CACNB2: variants seen among roughly 807,000 people sequenced by gnomAD.
CACNB2 encodes voltage-dependent L-type calcium channel subunit beta-2.
Under a neutral mutation model 73.3 loss-of-function variants are expected in CACNB2, and 42 were observed. The observed-to-expected ratio is 0.57, with a 90% CI of 0.45 to 0.74. CACNB2 has a LOEUF of 0.74. CACNB2 is among the 30% of genes least tolerant of loss of function. The pLI is 0.00. For synonymous variants in CACNB2, 348 were observed against 310.3 expected (o/e 1.12, Z -1.28); for missense variants, 940 against 853.0 (o/e 1.10, Z -1.27).
At chr10:18,368,299 G>A (rs550556277) in intron 2 of CACNB2, among the ~76,000 whole-genome samples, 30 of 152,064 alleles carry the variant, frequency 2.0e-4, no homozygotes, top group African/African-American at 7.0e-4. Context: ...TTTCGCCCTC[G>A]GGTCACTGGC....
At chr10:18,297,914 C>T (rs553622123) in intron 2 of CACNB2, among the ~76,000 whole-genome samples, 2 of 152,148 alleles carry the variant, frequency 1.3e-5, no homozygotes, top group South Asian at 2.1e-4. Context: ...CTGAGTCTGA[C>T]GATCATGGAG....
At chr10:18,386,007 G>A (rs2043215116) in intron 2 of CACNB2, among the ~76,000 whole-genome samples, 1 of 152,018 alleles carries the variant, frequency 6.6e-6, no homozygotes, top group African/African-American at 2.4e-5. Flanking sequence ...TTAGAATTAT[G>A]GATCAAAGGT....
intron 2 of CACNB2, among the ~76,000 whole-genome samples, chr10:18,218,428 A>G (rs777143240): frequency 2.0e-5 from 3 of 152,226 alleles, no homozygotes; most frequent in African/African-American, 4.8e-5. Context: ...GAGACATTAA[A>G]TGTTCTTGGT....
intron 2 of CACNB2, among the ~76,000 whole-genome samples, chr10:18,307,009 A>G (rs1158412830): frequency 1.3e-5 from 2 of 152,120 alleles, no homozygotes; most frequent in African/African-American, 4.8e-5. Flanking sequence ...TAGGAAGTGA[A>G]AGTTCCTCTA....
chr10:18,513,418 G>C, intron 6 of CACNB2: 2 of 193,782 alleles, frequency 1.0e-5, no homozygotes, highest in South Asian at 1.0e-4. Flanking sequence ...AATCAGCTTT[G>C]ATTATTGTTC....
chr10:18,285,546 C>A (rs193173977), intron 2 of CACNB2, among the ~76,000 whole-genome samples: 11 of 152,216 alleles, frequency 7.2e-5, no homozygotes, highest in African/African-American at 2.4e-4. Context: ...AGCTATCTGA[C>A]TGTTACCATG....
At chr10:18,338,286 C>T (rs2041083869) in intron 2 of CACNB2, among the ~76,000 whole-genome samples, 1 of 152,168 alleles carries the variant, frequency 6.6e-6, no homozygotes, top group South Asian at 2.1e-4. Flanking sequence ...AGACATAAAA[C>T]TCTGGCCAAC....
chr10:18,345,034 C>T (rs749587053), intron 2 of CACNB2, among the ~76,000 whole-genome samples: 11 of 152,314 alleles, frequency 7.2e-5, no homozygotes, highest in African/African-American at 1.9e-4. Context: ...AACATCGTGA[C>T]GATCTGCCAT....
chr10:18,383,957 C>T (rs1452012475), intron 2 of CACNB2, among the ~76,000 whole-genome samples: 3 of 152,164 alleles, frequency 2.0e-5, no homozygotes, highest in Non-Finnish European at 4.4e-5. Context: ...CTGCCCACCT[C>T]GGCCTCCCAA....
At chr10:18,359,182 G>T (rs545851838) in intron 2 of CACNB2, among the ~76,000 whole-genome samples, 4 of 151,926 alleles carry the variant, frequency 2.6e-5, no homozygotes, top group Admixed American at 2.6e-4. Flanking sequence ...AAAATATCCC[G>T]TGTCCATTGA....
chr10:18,299,656 AG>A (rs1348792315), intron 2 of CACNB2, among the ~76,000 whole-genome samples: 1 of 152,172 alleles, frequency 6.6e-6, no homozygotes, highest in Non-Finnish European at 1.5e-5. Flanking sequence ...GGCTGCAGTA[AG>A]CAGTGATCGC....
At chr10:18,322,928 T>C (rs1270270180) in intron 2 of CACNB2, among the ~76,000 whole-genome samples, 1 of 151,038 alleles carries the variant, frequency 6.6e-6, no homozygotes, top group Non-Finnish European at 1.5e-5. Context: ...AGAAAAATGA[T>C]AGCCACTACC....
rs138915826 is a variant in CACNB2 at position 18,305,386 on chromosome 10, G to C, written c.214-96538G>C. Among the ~76,000 whole-genome samples the C allele has an allele frequency of 3.7e-3, 570 of 152,288 alleles. 5 individuals carry two copies. The highest frequency in any genetic ancestry group is 0.013 in the African/African-American group (541 of 41,576). ...AAATAAGATTGGAGAATAATATAAG[G>C]TAAAACATGTAACTGGGGCTGTTGA... On this transcript the variant is annotated intron_variant, in intron 2 of 13. Transcript: ENST00000324631.
At chr10:18,264,179 G>GT (rs1347872559) in intron 2 of CACNB2, among the ~76,000 whole-genome samples, 12 of 152,118 alleles carry the variant, frequency 7.9e-5, no homozygotes, top group Admixed American at 7.9e-4. Flanking sequence ...TTGAAAAAAT[G>GT]TTTTAATTTT....
intron 2 of CACNB2, among the ~76,000 whole-genome samples, chr10:18,292,610 C>T (rs547075399): frequency 7.2e-5 from 11 of 152,154 alleles, no homozygotes; most frequent in African/African-American, 2.6e-4. Flanking sequence ...GAGCTGAGAT[C>T]GGGCCACTGC....
At chr10:18,146,990 A>G (rs1344318285) in intron 1 of CACNB2, among the ~76,000 whole-genome samples, 3 of 152,196 alleles carry the variant, frequency 2.0e-5, no homozygotes, top group Non-Finnish European at 2.9e-5. Flanking sequence ...CACAATAACC[A>G]TAAAAGCACA....
intron 3 of CACNB2, among the ~76,000 whole-genome samples, chr10:18,438,826 A>T (rs1422272042): frequency 1.3e-5 from 2 of 152,230 alleles, no homozygotes; most frequent in African/African-American, 4.8e-5. Flanking sequence ...AAAAATCTCA[A>T]AGTCCTCATG....
chr10:18,411,172 A>G (rs544014149), intron 3 of CACNB2, among the ~76,000 whole-genome samples: 15 of 152,280 alleles, frequency 9.9e-5, no homozygotes, highest in African/African-American at 2.9e-4. Context: ...TATAGTTAGA[A>G]AACTGGCTGA....
At chr10:18,243,633 C>T (rs986102442) in intron 2 of CACNB2, among the ~76,000 whole-genome samples, 2 of 152,144 alleles carry the variant, frequency 1.3e-5, no homozygotes, top group Admixed American at 1.3e-4. Context: ...TGAGTGAGTT[C>T]TCACTGTCTT....
Sources: gnomAD v4.1 joint callset for allele counts (sites outside exome capture counted in the v4.1 genomes callset) on GRCh38, gnomAD v4.1.1 for gene constraint, MANE v1.5 for transcripts, NCBI Gene and HGNC (gene_info 2026-07-23, HGNC 2026-07-21) for gene names.